Variants in FAM120C observed in about 807,000 individuals in gnomAD.
FAM120C encodes the protein constitutive coactivator of PPAR-gamma-like protein 2.
Under a neutral mutation model 71.2 loss-of-function variants are expected in FAM120C, and 14 were observed. The ratio of observed to expected loss-of-function variants is 0.20; its 90% CI spans 0.13 to 0.31. The LOEUF is 0.31. Among genes scored for constraint, FAM120C ranks in the 10% least tolerant of loss-of-function variants. The pLI is 1.00. For missense variants in FAM120C, 500 were observed against 879.0 expected (o/e 0.57, Z 5.45); for synonymous variants, 354 against 353.2 (o/e 1.00, Z -0.03).
At chrX:54,125,860 T>C (rs2067024689) in intron 9 of FAM120C, among the ~76,000 whole-genome samples, 1 of 112,488 alleles carries the variant, frequency 8.9e-6, no homozygotes, top group African/African-American at 3.2e-5. Context: ...TCCATGAACA[T>C]CTGTATCTCT....
rs1005581995 is a variant in FAM120C, at chrX:54,073,207, T to C, written c.3117A>G (p.Ala1039=). ...GATCACTCTTCTCTTCCTTGATCAA[T>C]GCGCCACTGTTTCCATTTACCTGGG... The part of the protein sequence containing the change: ...SRSQVNGNSG[A]LIKEEKSDHR... Residue 1039 remains alanine (A), a synonymous_variant, in exon 16 of 16, where the codon GCA becomes GCG. Transcript: ENST00000375180. 3 of 1,208,902 alleles carry C rather than the reference T, an allele frequency of 2.5e-6. No individual in the cohort carries two copies. Among genetic ancestry groups the C allele is most frequent in the Non-Finnish European group, 3.4e-6 (3 of 894,777 alleles).
chrX:54,151,145 T>C, intron 4 of FAM120C, 100 bp downstream of exon 4: 1 of 955,682 alleles, frequency 1.0e-6, no homozygotes. Context: ...GACAAGCAGC[T>C]AGGAAAACTT....
At chrX:54,083,781 G>A (rs782069263) in intron 13 of FAM120C, among the ~76,000 whole-genome samples, 16 of 111,146 alleles carry the variant, frequency 1.4e-4, no homozygotes, top group Non-Finnish European at 2.8e-4. Flanking sequence ...GCAGTGGCTC[G>A]ATCTTGGCTC....
intron 13 of FAM120C, among the ~76,000 whole-genome samples, chrX:54,084,868 G>A (rs185052333): frequency 9.0e-6 from 1 of 111,106 alleles, no homozygotes; most frequent in East Asian, 2.8e-4. Context: ...GTGTACATAT[G>A]TGTGTGTGTG....
intron 9 of FAM120C, among the ~76,000 whole-genome samples, chrX:54,129,029 C>G: frequency 9.1e-6 from 1 of 110,159 alleles, no homozygotes; most frequent in East Asian, 2.9e-4. Flanking sequence ...AGGGGCTCCT[C>G]ACTTCCCAGT....
intron 10 of FAM120C, among the ~76,000 whole-genome samples, chrX:54,094,290 G>T (rs984804794): frequency 1.2e-4 from 13 of 106,336 alleles, no homozygotes; most frequent in African/African-American, 3.8e-4. Context: ...GTAGAGACGG[G>T]GTTTCACCGT....
chrX:54,158,055 A>G (rs781861901), intron 2 of FAM120C, among the ~76,000 whole-genome samples: 2 of 112,252 alleles, frequency 1.8e-5, no homozygotes, highest in Non-Finnish European at 3.8e-5. Context: ...GGTCTGGCCA[A>G]TAGGTACACA....
chrX:54,138,045 C>T (rs2067102857), intron 4 of FAM120C, among the ~76,000 whole-genome samples: 1 of 111,774 alleles, frequency 8.9e-6, no homozygotes, highest in Non-Finnish European at 1.9e-5. Context: ...TAGCCCCAAA[C>T]TGGAAACAAC....
chrX:54,099,205 G>A (rs1307962138), intron 10 of FAM120C, among the ~76,000 whole-genome samples: 1 of 109,133 alleles, frequency 9.2e-6, no homozygotes, highest in African/African-American at 3.3e-5. Flanking sequence ...TTGTAGAGGT[G>A]GGGTCTTGCT....
intron 1 of FAM120C, among the ~76,000 whole-genome samples, chrX:54,162,263 A>G (rs782490247): frequency 9.0e-6 from 1 of 111,348 alleles, no homozygotes; most frequent in East Asian, 2.8e-4. Flanking sequence ...CTAACTACCC[A>G]TTTCCAAGAT....
intron 3 of FAM120C, among the ~76,000 whole-genome samples, chrX:54,153,616 G>A (rs781983889): frequency 1.8e-3 from 187 of 106,132 alleles, no homozygotes; most frequent in African/African-American, 6.0e-3. Flanking sequence ...CGCTCAGGCT[G>A]GAGTGCAGTG....
At chrX:54,154,466 A>G (rs2067199683) in intron 3 of FAM120C, among the ~76,000 whole-genome samples, 1 of 109,793 alleles carries the variant, frequency 9.1e-6, no homozygotes, top group African/African-American at 3.3e-5. Context: ...AATTAGTTGG[A>G]TGTGGTGGCA....
At chrX:54,117,362 A>ATAACATAACATAAC (rs1569532345) in intron 9 of FAM120C, among the ~76,000 whole-genome samples, 1 of 81,945 alleles carries the variant, frequency 1.2e-5, no homozygotes, top group African/African-American at 4.9e-5. Context: ...CTAAAAATAA[A>ATAACATAACATAAC]ATAAAATAAA....
At chrX:54,099,331 G>C (rs1007516592) in intron 10 of FAM120C, among the ~76,000 whole-genome samples, 12 of 111,436 alleles carry the variant, frequency 1.1e-4, no homozygotes, top group Admixed American at 3.9e-4. Flanking sequence ...ACATGAGCTA[G>C]TGTGGCCAGC....
intron 15 of FAM120C, among the ~76,000 whole-genome samples, chrX:54,078,864 G>C (rs898189885): frequency 1.8e-5 from 2 of 110,197 alleles, no homozygotes; most frequent in African/African-American, 3.3e-5. Context: ...CCAAGGCATG[G>C]ATTAGAAGAA....
At chrX:54,105,566 G>A (rs1350395511) in intron 10 of FAM120C, among the ~76,000 whole-genome samples, 2 of 111,162 alleles carry the variant, frequency 1.8e-5, no homozygotes, top group Non-Finnish European at 3.8e-5. Flanking sequence ...CAGGGCAATC[G>A]GGCAAGAGAA....
chrX:54,104,288 G>T (rs1428317091), intron 10 of FAM120C, among the ~76,000 whole-genome samples: 1 of 111,095 alleles, frequency 9.0e-6, no homozygotes, highest in Non-Finnish European at 1.9e-5. Context: ...AATTTCTCTA[G>T]GACATCTAGG....
intron 9 of FAM120C, among the ~76,000 whole-genome samples, chrX:54,117,710 A>T (rs947299331): frequency 9.1e-6 from 1 of 110,487 alleles, no homozygotes; most frequent in Non-Finnish European, 1.9e-5. Flanking sequence ...AAAAAAACAA[A>T]AAAAAACAAA....
Position 54,085,851 on chromosome X carries a change from A to G in FAM120C, c.2703T>C (p.His901=). 2 of 1,211,695 alleles carry G rather than the reference A, an allele frequency of 1.7e-6. No individual in the cohort carries two copies. The highest frequency in any genetic ancestry group is 2.2e-6 in the Non-Finnish European group (2 of 895,472). ...QSILEGVNMN[H]PPPSALLPSP... ...ACGGAAGTAGAGCAGAAGGCGGTGGATGATTCATGTTGACTCCTTCAAGGA... is the reference window on the plus strand; with the variant it reads ...ACGGAAGTAGAGCAGAAGGCGGTGGGTGATTCATGTTGACTCCTTCAAGGA... The change falls in exon 13 of 16, where the codon CAT becomes CAC. Residue 901 remains histidine, a synonymous_variant. Coordinates refer to ENST00000375180, the MANE Select transcript of FAM120C (RefSeq NM_017848.6).
Sources: gnomAD v4.1 joint callset for allele counts (sites outside exome capture counted in the v4.1 genomes callset) on GRCh38, gnomAD v4.1.1 for gene constraint, MANE v1.5 for transcripts, NCBI Gene and HGNC (gene_info 2026-07-23, HGNC 2026-07-21) for gene names.